The following BACH2 variants were observed in gnomAD, a reference collection of about 807,000 sequenced individuals.
BACH2 encodes BACH transcriptional regulator 2.
A neutral mutation model predicts 61.8 loss-of-function variants in BACH2; 5 were observed. That is an observed-to-expected ratio of 0.08 (90% confidence interval 0.04 to 0.17). BACH2 has a LOEUF of 0.17. Ranked by LOEUF, BACH2 falls within the 10% of genes least tolerant of loss-of-function variation. The pLI is 1.00. For missense variants in BACH2, 824 were observed against 1,091.1 expected, an observed-to-expected ratio of 0.76 and a Z score of 3.45; for synonymous variants, 446 against 440.1, an observed-to-expected ratio of 1.01 and a Z score of -0.17.
intron 8 of BACH2, among the ~76,000 whole-genome samples, chr6:89,933,653 G>C (rs1772823401): frequency 6.6e-6 from 1 of 152,166 alleles, no homozygotes; most frequent in Non-Finnish European, 1.5e-5. Flanking sequence ...TCTCTGTATA[G>C]TGTGTTCAGT....
In BACH2 at chr6:90,284,035, T is replaced by G. The variant is rs553260792; in HGVS notation, c.-445-12094A>C. Among the ~76,000 whole-genome samples the G allele has an allele frequency of 4.3e-4, 65 of 151,682 alleles. 1 individual carries two copies. In the East Asian group the frequency reaches 6.8e-3, roughly 16 times the overall value. On this transcript the variant is annotated intron_variant, in intron 1 of 8. Coordinates refer to ENST00000257749, the MANE Select transcript of BACH2 (RefSeq NM_021813.4). ...ATAAATAAATAAATAAATAAATAAA[T>G]AAAGCACTTAGAAAGGAAAAGAATT...
intron 6 of BACH2, among the ~76,000 whole-genome samples, chr6:89,994,188 A>ACCT (rs1009996235): frequency 6.6e-6 from 1 of 152,150 alleles, no homozygotes; most frequent in African/African-American, 2.4e-5. Flanking sequence ...AAGGAGAGAC[A>ACCT]CCTTTCCTCA....
intron 4 of BACH2, among the ~76,000 whole-genome samples, chr6:90,155,345 T>C (rs1784961070): frequency 6.6e-6 from 1 of 152,190 alleles, no homozygotes; most frequent in Admixed American, 6.5e-5. Context: ...TATAAACACA[T>C]GGCAGTAGGT....
At chr6:90,276,091 TATAAAGG>T (rs1333598158) in intron 1 of BACH2, among the ~76,000 whole-genome samples, 1 of 152,152 alleles carries the variant, frequency 6.6e-6, no homozygotes, top group Non-Finnish European at 1.5e-5. Flanking sequence ...TCACTAACTT[TATAAAGG>T]AGAGGCTTTC....
chr6:89,966,497 C>T (rs776389506), intron 6 of BACH2, among the ~76,000 whole-genome samples: 16 of 152,194 alleles, frequency 1.1e-4, no homozygotes, highest in Non-Finnish European at 1.8e-4. Flanking sequence ...ATAGAACATA[C>T]CACTCTGTAG....
At chr6:90,065,008 G>A (rs188880281) in intron 5 of BACH2, among the ~76,000 whole-genome samples, 1 of 152,122 alleles carries the variant, frequency 6.6e-6, no homozygotes, top group East Asian at 1.9e-4. Flanking sequence ...TCAAATGGCT[G>A]CAAGAATTCC....
intron 6 of BACH2, among the ~76,000 whole-genome samples, chr6:89,968,025 C>A (rs932238870): frequency 2.6e-5 from 4 of 152,224 alleles, no homozygotes; most frequent in Non-Finnish European, 5.9e-5. Context: ...TCCTCTTGAT[C>A]CTGACTCCTA....
chr6:90,028,849 T>G (rs1484396523), intron 5 of BACH2, among the ~76,000 whole-genome samples: 2 of 152,224 alleles, frequency 1.3e-5, no homozygotes, highest in Non-Finnish European at 2.9e-5. Context: ...ACTTAACTTT[T>G]CCGTGCCTCA....
At chr6:90,204,237 G>A (rs531044245) in intron 4 of BACH2, among the ~76,000 whole-genome samples, 1 of 152,234 alleles carries the variant, frequency 6.6e-6, no homozygotes, top group South Asian at 2.1e-4. Context: ...GAAGAGGAGA[G>A]TGCACAATTC....
chr6:90,055,665 T>G (rs1780302606), intron 5 of BACH2, among the ~76,000 whole-genome samples: 2 of 141,246 alleles, frequency 1.4e-5, no homozygotes, highest in African/African-American at 3.2e-5. Flanking sequence ...CCAAGACACG[T>G]AATTGTCAAG....
intron 5 of BACH2, among the ~76,000 whole-genome samples, chr6:90,036,203 C>A (rs751542453): frequency 1.3e-5 from 2 of 150,764 alleles, no homozygotes; most frequent in African/African-American, 2.4e-5. Context: ...GGCACAAGAT[C>A]ATATGGTAGG....
chr6:89,962,089 C>T (rs1200951093), intron 6 of BACH2, among the ~76,000 whole-genome samples: 2 of 151,590 alleles, frequency 1.3e-5, no homozygotes, highest in East Asian at 1.9e-4. Context: ...TTGCAAATTA[C>T]GATGCAATTT....
Position 89,949,337 on chromosome 6 carries a change from G to A in BACH2, c.1836+933C>T, listed in dbSNP as rs143620925. 3.9e-4 allele frequency among the ~76,000 whole-genome samples: 59 copies of A among 152,292 alleles called. No homozygotes were observed. The East Asian group carries it at 0.01, about 26-fold the overall frequency. On this transcript the variant is annotated intron_variant, in intron 7 of 8. Transcript: ENST00000257749. Reference sequence around the variant, plus strand: ...TCTGAGACACAGGTAGCAGTCTCAAGCTGGTACCTTGTCAATCAGCAAGAC... The same window carrying A: ...TCTGAGACACAGGTAGCAGTCTCAAACTGGTACCTTGTCAATCAGCAAGAC...
intron 4 of BACH2, among the ~76,000 whole-genome samples, chr6:90,164,529 T>A (rs7382036): frequency 6.6e-6 from 1 of 151,774 alleles, no homozygotes; most frequent in African/African-American, 2.4e-5. Context: ...TTCCAATCAA[T>A]AGAAAAAGAG....
At chr6:90,142,136 A>G (rs1157233883) in intron 4 of BACH2, among the ~76,000 whole-genome samples, 1 of 152,212 alleles carries the variant, frequency 6.6e-6, no homozygotes, top group Admixed American at 6.5e-5. Context: ...TGTCTTCATC[A>G]TTGTTAGAAC....
intron 7 of BACH2, among the ~76,000 whole-genome samples, chr6:89,940,875 C>G (rs1584505941): frequency 6.8e-6 from 1 of 146,128 alleles, no homozygotes; most frequent in South Asian, 2.1e-4. Context: ...TTGTGCTAAA[C>G]TTTCCAAATC....
At chr6:90,250,293 T>A (rs1451480901) in intron 3 of BACH2, among the ~76,000 whole-genome samples, 4 of 152,230 alleles carry the variant, frequency 2.6e-5, no homozygotes, top group Non-Finnish European at 4.4e-5. Context: ...AATACTATTT[T>A]TTTTTCCAGT....
At chr6:90,161,854 T>C (rs1785202956) in intron 4 of BACH2, among the ~76,000 whole-genome samples, 2 of 152,070 alleles carry the variant, frequency 1.3e-5, no homozygotes, top group Admixed American at 6.5e-5. Flanking sequence ...AAATAGACAA[T>C]GGTACCAACC....
At chr6:89,967,485 C>A (rs1001716076) in intron 6 of BACH2, among the ~76,000 whole-genome samples, 2 of 152,076 alleles carry the variant, frequency 1.3e-5, no homozygotes, top group Non-Finnish European at 2.9e-5. Context: ...ACCTAAGAAA[C>A]CTTAAGGAAA....
Sources: allele counts gnomAD v4.1 joint callset (sites outside exome capture counted in the v4.1 genomes callset), GRCh38; gene constraint gnomAD v4.1.1; transcripts MANE v1.5; gene names NCBI Gene and HGNC (gene_info 2026-07-23, HGNC 2026-07-21).